DPF3: variants seen among roughly 807,000 people sequenced by gnomAD.
The protein encoded by DPF3 is double PHD fingers 3.
DPF3 carries 18 observed loss-of-function variants against 56.8 expected under a neutral mutation model. The ratio of observed to expected loss-of-function variants is 0.32; its 90% CI spans 0.22 to 0.47. The LOEUF (loss-of-function observed/expected upper bound fraction) is 0.47, where lower values mean the gene tolerates loss of function less well. Among genes scored for constraint, DPF3 ranks in the 20% least tolerant of loss-of-function variants. The probability of loss-of-function intolerance (pLI) is 1.00; values close to 1 mark genes in which losing one functional copy is unlikely to be tolerated. For synonymous variants in DPF3, 188 were observed against 180.2 expected (o/e 1.04, Z -0.35); for missense variants, 403 against 488.8 (o/e 0.82, Z 1.65).
intron 9 of DPF3, among the ~76,000 whole-genome samples, chr14:72,621,556 A>G (rs776873549): frequency 1.3e-5 from 2 of 152,214 alleles, no homozygotes; most frequent in Non-Finnish European, 2.9e-5. Context: ...GGGCAACAGG[A>G]AAGCTTTTGA....
chr14:72,630,935 C>G (rs58359116), intron 8 of DPF3, among the ~76,000 whole-genome samples: 2 of 152,202 alleles, frequency 1.3e-5, no homozygotes, highest in Admixed American at 6.5e-5. Flanking sequence ...GTATCCTCCA[C>G]AGACAGGATC....
Position 72,611,121 on chromosome 14 carries a change from C to G in DPF3, c.*8176G>C, listed in dbSNP as rs945553924. On this transcript the variant is annotated 3_prime_UTR_variant, in exon 11 of 11. Transcript: ENST00000556509. Reference sequence around the variant, plus strand: ...AGGAGCCTTCCCTTGGGCCACCCCCCACAGAGAAGCTATAGCTCTGAGCCA... The same window carrying G: ...AGGAGCCTTCCCTTGGGCCACCCCCGACAGAGAAGCTATAGCTCTGAGCCA... Among the ~76,000 whole-genome samples, 1 of 152,108 alleles carries G rather than the reference C, an allele frequency of 6.6e-6. No homozygotes were observed. The highest frequency in any genetic ancestry group is 1.5e-5 in the Non-Finnish European group (1 of 68,018).
intron 1 of DPF3, among the ~76,000 whole-genome samples, chr14:72,825,544 A>G (rs1168081441): frequency 6.6e-6 from 1 of 152,246 alleles, no homozygotes; most frequent in Non-Finnish European, 1.5e-5. Context: ...GAACATAGAA[A>G]ATTTCACAGG....
At chr14:72,659,128 G>C (rs1047195897) in intron 8 of DPF3, among the ~76,000 whole-genome samples, 2 of 152,094 alleles carry the variant, frequency 1.3e-5, no homozygotes, top group Admixed American at 1.3e-4. Context: ...TACCACTCCT[G>C]TTGTCTCCCT....
chr14:72,723,811 T>C, intron 4 of DPF3, 83 bp from the exon 5 acceptor site: 1 of 1,336,422 alleles, frequency 7.5e-7, no homozygotes. Context: ...AAGGGTGTTC[T>C]GATTTGTTGT....
chr14:72,644,095 C>T (rs1173198283), intron 8 of DPF3, among the ~76,000 whole-genome samples: 1 of 152,162 alleles, frequency 6.6e-6, no homozygotes, highest in Non-Finnish European at 1.5e-5. Flanking sequence ...AGTCTCTCAC[C>T]CAGGTGTCTT....
At chr14:72,787,815 G>A (rs1892270570) in intron 1 of DPF3, among the ~76,000 whole-genome samples, 1 of 152,344 alleles carries the variant, frequency 6.6e-6, no homozygotes, top group South Asian at 2.1e-4. Context: ...GAGGTGGGGT[G>A]CAGGTCCGGG....
chr14:72,807,546 A>C (rs1254251685), intron 1 of DPF3, among the ~76,000 whole-genome samples: 1 of 151,776 alleles, frequency 6.6e-6, no homozygotes, highest in African/African-American at 2.4e-5. Context: ...TTTTTAAAAA[A>C]ATACCAGGTA....
At position 72,611,607 on chromosome 14, in the gene DPF3, T is replaced by C. The variant is rs573581087; in HGVS notation, c.*7690A>G. Among the ~76,000 whole-genome samples, 26 of 151,736 alleles carry C rather than the reference T, an allele frequency of 1.7e-4. No individual in the cohort carries two copies. Among genetic ancestry groups the C allele is most frequent in the African/African-American group, 6.0e-4 (25 of 41,422 alleles). ...CTGATCAGGCCCTGCCAGTTGCACC[T>C]CCCTGCCTTCCACCCCAGAAACCCA... is the stretch of plus-strand genomic sequence containing the variant. On this transcript the variant is annotated 3_prime_UTR_variant, in exon 11 of 11. Transcript: ENST00000556509.
At chr14:72,619,750 C>A (rs1884308215) in intron 10 of DPF3, among the ~76,000 whole-genome samples, 153 bp downstream of exon 10, 1 of 152,140 alleles carries the variant, frequency 6.6e-6, no homozygotes, top group Non-Finnish European at 1.5e-5. Context: ...TGGCAGTCGT[C>A]GTACCTACCT....
intron 1 of DPF3, among the ~76,000 whole-genome samples, chr14:72,868,827 A>C (rs1200704159): frequency 6.6e-6 from 1 of 152,018 alleles, no homozygotes; most frequent in African/African-American, 2.4e-5. Context: ...TTATTTTCTA[A>C]ATTTTACCCA....
At chr14:72,868,243 C>A (rs959370681) in intron 1 of DPF3, among the ~76,000 whole-genome samples, 5 of 152,162 alleles carry the variant, frequency 3.3e-5, no homozygotes, top group African/African-American at 4.8e-5. Flanking sequence ...GGGAGTCAGA[C>A]ATCTCTCTCC....
At chr14:72,892,661 A>C (rs1276978696) in intron 1 of DPF3, 3 of 1,062,936 alleles carry the variant, frequency 2.8e-6, no homozygotes, top group Non-Finnish European at 2.3e-6. Context: ...CGCTGAATTA[A>C]AAGAACCAGG....
At chr14:72,805,143 A>G (rs1022113719) in intron 1 of DPF3, among the ~76,000 whole-genome samples, 22 of 152,042 alleles carry the variant, frequency 1.4e-4, no homozygotes, top group African/African-American at 5.1e-4. Flanking sequence ...TATACAGGCC[A>G]TGACTGAAGA....
intron 2 of DPF3, among the ~76,000 whole-genome samples, chr14:72,765,521 G>C (rs1891244211): frequency 6.6e-6 from 1 of 152,186 alleles, no homozygotes; most frequent in South Asian, 2.1e-4. Flanking sequence ...TCCATCAACA[G>C]GTGAATGGAT....
intron 8 of DPF3, among the ~76,000 whole-genome samples, chr14:72,649,107 C>T (rs1885817400): frequency 6.6e-6 from 1 of 152,166 alleles, no homozygotes; most frequent in Non-Finnish European, 1.5e-5. Flanking sequence ...CTTCTATACA[C>T]TTGTTATTCC....
intron 1 of DPF3, among the ~76,000 whole-genome samples, chr14:72,812,594 T>C (rs745626590): frequency 1.3e-5 from 2 of 151,938 alleles, no homozygotes; most frequent in Non-Finnish European, 2.9e-5. Flanking sequence ...CCTGAAACAC[T>C]GCTGGCGGAG....
intron 6 of DPF3, among the ~76,000 whole-genome samples, chr14:72,714,198 G>A (rs954909309): frequency 1.3e-5 from 2 of 152,342 alleles, no homozygotes; most frequent in Admixed American, 6.5e-5. Context: ...GAGGGTGGGG[G>A]CCACCCCAGC....
chr14:72,734,636 C>T (rs1297337152), intron 3 of DPF3, among the ~76,000 whole-genome samples: 1 of 152,124 alleles, frequency 6.6e-6, no homozygotes, highest in Non-Finnish European at 1.5e-5. Flanking sequence ...CAGAATGGTA[C>T]AGCATTTTAG....
Sources: gnomAD v4.1 joint callset for allele counts (sites outside exome capture counted in the v4.1 genomes callset) on GRCh38, gnomAD v4.1.1 for gene constraint, MANE v1.5 for transcripts, NCBI Gene and HGNC (gene_info 2026-07-23, HGNC 2026-07-21) for gene names.